DNAH7: variants seen among roughly 807,000 people sequenced by gnomAD.
DNAH7 encodes the protein dynein axonemal heavy chain 7.
In DNAH7, 397 loss-of-function variants were observed where a neutral mutation model predicts 444.6. That is an observed-to-expected ratio of 0.89 (90% CI 0.82 to 0.97). DNAH7 has a LOEUF of 0.97. Among genes scored for constraint, DNAH7 ranks in the 50% least tolerant of loss-of-function variants. DNAH7 has a pLI of 0.00. For synonymous variants in DNAH7, 1,636 were observed against 1,624.4 expected (o/e 1.01, Z -0.17); for missense variants, 4,902 against 4,800.8 (o/e 1.02, Z -0.62).
At position 195,829,737 on chromosome 2, in the gene DNAH7, A is replaced by G. The variant is rs189016308; in HGVS notation, c.9100+4469T>C. Among the ~76,000 whole-genome samples the G allele has an allele frequency of 7.0e-4, 107 of 152,124 alleles. 1 individual carries two copies. Among genetic ancestry groups the G allele is most frequent in the Non-Finnish European group, 2.1e-4 (14 of 67,936 alleles). ...AAGAGTGTCTATATTAATATATGTA[A>G]AAATCATTTTTGAAGCTAAAATATA... On this transcript the variant is annotated intron_variant, in intron 48 of 64. Transcript: ENST00000312428.
At chr2:195,860,527 A>G (rs1699956711) in intron 42 of DNAH7, among the ~76,000 whole-genome samples, 1 of 152,142 alleles carries the variant, frequency 6.6e-6, no homozygotes. Flanking sequence ...ATTCAAACAC[A>G]GGGTTGTAGA....
chr2:195,858,849 T>C (rs1321736136), intron 42 of DNAH7, 45 bp from the exon 43 acceptor site: 1 of 1,496,766 alleles, frequency 6.7e-7, no homozygotes, highest in East Asian at 2.3e-5. Flanking sequence ...AGGCTCTGTA[T>C]CCTACATGAA....
At chr2:195,824,169 A>T in intron 49 of DNAH7, 86 bp downstream of exon 49, 3 of 1,271,700 alleles carry the variant, frequency 2.4e-6, no homozygotes, top group Admixed American at 2.6e-5. Flanking sequence ...TTTTCTTAGG[A>T]AGACTTGTTC....
At chr2:195,907,137 C>T (rs1687077582) in intron 25 of DNAH7, 128 bp from the exon 26 acceptor site, 2 of 646,720 alleles carry the variant, frequency 3.1e-6, no homozygotes, top group East Asian at 2.9e-5. Flanking sequence ...TCGCCTTTAT[C>T]TTTAAAGGCA....
intron 17 of DNAH7, among the ~76,000 whole-genome samples, chr2:195,962,353 G>A (rs780370799): frequency 2.0e-5 from 3 of 152,098 alleles, no homozygotes; most frequent in Admixed American, 6.5e-5. Context: ...ATACACTTTT[G>A]GTTGGTTGGT....
At chr2:195,918,619 T>C (rs1170951912) in intron 24 of DNAH7, among the ~76,000 whole-genome samples, 3 of 152,148 alleles carry the variant, frequency 2.0e-5, no homozygotes, top group African/African-American at 4.8e-5. Flanking sequence ...CAAAAAGACA[T>C]GGAGGAAACT....
At chr2:195,923,015 C>T (rs146004184) in intron 23 of DNAH7, among the ~76,000 whole-genome samples, 162 of 152,242 alleles carry the variant, frequency 1.1e-3, no homozygotes, top group African/African-American at 3.9e-3. Flanking sequence ...GCACGCCCCA[C>T]CATGTGCCCA....
intron 57 of DNAH7, among the ~76,000 whole-genome samples, chr2:195,788,355 C>T (rs1695725916): frequency 6.6e-6 from 1 of 152,198 alleles, no homozygotes; most frequent in Non-Finnish European, 1.5e-5. Flanking sequence ...CAAGGTGAGA[C>T]ACTGGGAAGT....
intron 10 of DNAH7, among the ~76,000 whole-genome samples, chr2:196,010,846 T>C (rs761559819): frequency 6.6e-6 from 1 of 152,210 alleles, no homozygotes; most frequent in Non-Finnish European, 1.5e-5. Context: ...TCCTGTCATT[T>C]GCAGCAACAT....
At chr2:195,771,095 G>A (rs1356679646) in intron 61 of DNAH7, among the ~76,000 whole-genome samples, 2 of 152,126 alleles carry the variant, frequency 1.3e-5, no homozygotes, top group South Asian at 4.2e-4. Flanking sequence ...GCCAAGGCGG[G>A]AGTATCACTT....
chr2:195,971,772 C>G (rs774673174), intron 16 of DNAH7, among the ~76,000 whole-genome samples: 1 of 151,824 alleles, frequency 6.6e-6, no homozygotes, highest in African/African-American at 2.4e-5. Flanking sequence ...ACTGCCCCCT[C>G]CCCCCCAAGA....
chr2:195,987,927 T>G (rs1452489703), intron 13 of DNAH7, 30 bp downstream of exon 13: 4 of 1,556,156 alleles, frequency 2.6e-6, no homozygotes, highest in Non-Finnish European at 8.7e-7. Flanking sequence ...CAGATAGAGA[T>G]AACAGTTGCA....
At chr2:195,860,107 A>G (rs1359944323) in intron 42 of DNAH7, among the ~76,000 whole-genome samples, 5 of 152,202 alleles carry the variant, frequency 3.3e-5, no homozygotes, top group African/African-American at 9.7e-5. Context: ...AAGGGCAAAT[A>G]AGAATATTTG....
At chr2:195,750,259 T>C (rs1693717788) in intron 63 of DNAH7, among the ~76,000 whole-genome samples, 1 of 152,200 alleles carries the variant, frequency 6.6e-6, no homozygotes, top group African/African-American at 2.4e-5. Flanking sequence ...AAATATCAAC[T>C]ACCCTGTACA....
At chr2:195,997,331 G>A (rs80075843) in intron 12 of DNAH7, among the ~76,000 whole-genome samples, 5,527 of 152,106 alleles carry the variant, frequency 0.036, 230 homozygotes, top group African/African-American at 0.095. Context: ...GGCCAACCTG[G>A]TGAAACCCCG....
chr2:195,887,669 A>G (rs985856790), intron 33 of DNAH7, among the ~76,000 whole-genome samples: 10 of 152,226 alleles, frequency 6.6e-5, no homozygotes, highest in African/African-American at 2.4e-4. Context: ...AGTCATTCTA[A>G]AAGACCTTTG....
chr2:196,003,516 G>A (rs1235135714), intron 10 of DNAH7, among the ~76,000 whole-genome samples: 1 of 152,098 alleles, frequency 6.6e-6, no homozygotes, highest in Non-Finnish European at 1.5e-5. Flanking sequence ...GATCAGTGAA[G>A]GAAAAGAGGC....
chr2:195,797,337 G>A (rs1355979625), intron 55 of DNAH7, among the ~76,000 whole-genome samples: 1 of 152,152 alleles, frequency 6.6e-6, no homozygotes, highest in African/African-American at 2.4e-5. Flanking sequence ...TTTAGAAGAG[G>A]CCTGGATACG....
At chr2:195,972,017 A>G in intron 16 of DNAH7, among the ~76,000 whole-genome samples, 1 of 152,200 alleles carries the variant, frequency 6.6e-6, no homozygotes, top group East Asian at 1.9e-4. Flanking sequence ...TCAAGAAATG[A>G]CTGCATATTG....
Sources: gnomAD v4.1 joint callset for allele counts (sites outside exome capture counted in the v4.1 genomes callset) on GRCh38, gnomAD v4.1.1 for gene constraint, MANE v1.5 for transcripts, NCBI Gene and HGNC (gene_info 2026-07-23, HGNC 2026-07-21) for gene names.